The following APBB2 variants were observed in gnomAD, a reference collection of about 807,000 sequenced individuals.
APBB2 encodes Fe65-like 1.
Under a neutral mutation model 82.5 loss-of-function variants are expected in APBB2, and 38 were observed. That is an observed-to-expected ratio of 0.46 (90% CI 0.36 to 0.60). APBB2 has a LOEUF of 0.60. Among genes scored for constraint, APBB2 ranks in the 20% least tolerant of loss-of-function variants. The probability of loss-of-function intolerance (pLI) is 0.00; values close to 1 mark genes in which losing one functional copy is unlikely to be tolerated. For synonymous variants in APBB2, 341 were observed against 368.2 expected, an observed-to-expected ratio of 0.93 and a Z score of 0.85; for missense variants, 772 against 972.3, an observed-to-expected ratio of 0.79 and a Z score of 2.74.
chr4:41,004,836 CAAAAAAA>C (rs34941899), intron 6 of APBB2, among the ~76,000 whole-genome samples: 8 of 49,258 alleles, frequency 1.6e-4, no homozygotes, highest in South Asian at 1.7e-3. Flanking sequence ...GACCCCATCT[CAAAAAAA>C]AAAAAAAAAA....
At chr4:41,108,805 AC>A (rs1245519000) in intron 2 of APBB2, among the ~76,000 whole-genome samples, 3 of 151,698 alleles carry the variant, frequency 2.0e-5, no homozygotes, top group Admixed American at 2.0e-4. Context: ...ACCCCAACAA[AC>A]CCAACCCCTT....
chr4:40,962,418 T>C (rs1793526115), intron 6 of APBB2, among the ~76,000 whole-genome samples: 2 of 152,152 alleles, frequency 1.3e-5, no homozygotes, highest in Non-Finnish European at 2.9e-5. Flanking sequence ...ACAGAACTAT[T>C]TGGTGTCTAA....
intron 4 of APBB2, among the ~76,000 whole-genome samples, chr4:41,048,679 G>C (rs1046800358): frequency 1.8e-4 from 15 of 84,618 alleles, no homozygotes; most frequent in African/African-American, 7.0e-4. Context: ...TCTCCCCTAC[G>C]GTCTCCCTCT....
chr4:40,982,607 A>G (rs1332237368), intron 6 of APBB2, among the ~76,000 whole-genome samples: 1 of 151,858 alleles, frequency 6.6e-6, no homozygotes, highest in African/African-American at 2.4e-5. Flanking sequence ...CGTCTCTACC[A>G]AAAATACAAA....
chr4:40,994,794 G>C (rs1266569034), intron 6 of APBB2, among the ~76,000 whole-genome samples: 1 of 138,294 alleles, frequency 7.2e-6, no homozygotes, highest in Non-Finnish European at 1.5e-5. Context: ...AGCCTGGGGC[G>C]ACAGAGCAAG....
At chr4:40,910,210 C>T (rs769111921) in intron 10 of APBB2, among the ~76,000 whole-genome samples, 2 of 151,392 alleles carry the variant, frequency 1.3e-5, no homozygotes, top group Non-Finnish European at 2.9e-5. Context: ...TCAGGTGATC[C>T]GCCGCCTCGG....
In APBB2 at chr4:41,165,248, C is replaced by T. The variant is rs576047383; in HGVS notation, c.-416-22106G>A. ...TGCACAGGAGGGTCCTAAGAGTACCCGTCTTTCAAGGATGCTACAAGGACT... is the reference window on the plus strand; with the variant it reads ...TGCACAGGAGGGTCCTAAGAGTACCTGTCTTTCAAGGATGCTACAAGGACT... On this transcript the variant is annotated intron_variant, in intron 1 of 17. Transcript: ENST00000508593. Among the ~76,000 whole-genome samples the T allele has an allele frequency of 2.5e-4, 38 of 152,202 alleles. 1 individual carries two copies. In the South Asian group the frequency reaches 7.5e-3, roughly 30 times the overall value.
chr4:41,003,500 A>G (rs1253477951), intron 6 of APBB2, among the ~76,000 whole-genome samples: 3 of 152,168 alleles, frequency 2.0e-5, no homozygotes, highest in African/African-American at 7.2e-5. Context: ...CTTTGTAGAT[A>G]TAATTAATTA....
intron 10 of APBB2, among the ~76,000 whole-genome samples, chr4:40,912,126 G>A (rs1246891348): frequency 6.6e-6 from 1 of 152,332 alleles, no homozygotes; most frequent in East Asian, 1.9e-4. Context: ...AGGAAATAGA[G>A]ATTGTCTTAT....
intron 15 of APBB2, among the ~76,000 whole-genome samples, chr4:40,825,487 T>C (rs1749590367): frequency 6.6e-6 from 1 of 152,240 alleles, no homozygotes; most frequent in Non-Finnish European, 1.5e-5. Flanking sequence ...TGTCACTCCT[T>C]GACAGCATGA....
intron 17 of APBB2, 152 bp downstream of exon 17, chr4:40,821,719 T>G: frequency 1.1e-6 from 1 of 891,528 alleles, no homozygotes; most frequent in Non-Finnish European, 1.7e-6. Context: ...TCATAACTGA[T>G]TCTGGCCCTA....
rs558402627 is a variant in APBB2, at chr4:40,855,305, C to G, written c.1530-24728G>C. Among the ~76,000 whole-genome samples the G allele has an allele frequency of 6.1e-4, 93 of 152,318 alleles. 1 individual carries two copies. Among genetic ancestry groups the G allele is most frequent in the Admixed American group, 9.2e-4 (14 of 15,300 alleles). The stretch of plus-strand genomic sequence containing the variant: ...TTGTATTTATTATGCCACTTAATCA[C>G]CAGCACCAATGCCCAGCACATGGCA... On this transcript the variant is annotated intron_variant, in intron 12 of 17. Coordinates refer to ENST00000508593, the MANE Select transcript of APBB2 (RefSeq NM_004307.2).
chr4:41,059,772 TC>T (rs911815070), intron 4 of APBB2, among the ~76,000 whole-genome samples: 1 of 152,188 alleles, frequency 6.6e-6, no homozygotes. Context: ...AAATCTCTGT[TC>T]GGGGCTCTCA....
chr4:40,933,807 C>G (rs1462550629), intron 10 of APBB2, among the ~76,000 whole-genome samples: 3 of 152,190 alleles, frequency 2.0e-5, no homozygotes, highest in African/African-American at 7.2e-5. Flanking sequence ...TTATAAGATA[C>G]AAATTCAAAG....
At chr4:40,854,243 C>G (rs1760406525) in intron 12 of APBB2, among the ~76,000 whole-genome samples, 1 of 152,144 alleles carries the variant, frequency 6.6e-6, no homozygotes, top group African/African-American at 2.4e-5. Flanking sequence ...TCTAAGAACT[C>G]CTCAAATATG....
intron 7 of APBB2, among the ~76,000 whole-genome samples, chr4:40,936,871 G>T (rs374967310): frequency 9.2e-5 from 14 of 152,176 alleles, no homozygotes; most frequent in Non-Finnish European, 1.9e-4. Context: ...GCTCGGAGGA[G>T]CTATGAACCC....
chr4:41,067,020 G>A (rs1016528652), intron 3 of APBB2, among the ~76,000 whole-genome samples: 1 of 152,194 alleles, frequency 6.6e-6, no homozygotes, highest in African/African-American at 2.4e-5. Context: ...GAAGTTCAAA[G>A]CAGAACACTA....
At chr4:41,122,560 C>G (rs1036442577) in intron 2 of APBB2, among the ~76,000 whole-genome samples, 1 of 152,106 alleles carries the variant, frequency 6.6e-6, no homozygotes. Flanking sequence ...ATACCTGAAG[C>G]TTTGAACACT....
intron 10 of APBB2, among the ~76,000 whole-genome samples, chr4:40,917,145 G>C (rs1287187451): frequency 1.3e-5 from 2 of 152,162 alleles, no homozygotes; most frequent in African/African-American, 4.8e-5. Flanking sequence ...TGGGTCTAGT[G>C]ATTTGAGGCC....
Sources: gnomAD v4.1 joint callset for allele counts (sites outside exome capture counted in the v4.1 genomes callset) on GRCh38, gnomAD v4.1.1 for gene constraint, MANE v1.5 for transcripts, NCBI Gene and HGNC (gene_info 2026-07-23, HGNC 2026-07-21) for gene names.